NTM: variants seen among roughly 807,000 people sequenced by gnomAD.
The protein encoded by NTM is neurotrimin, also known as IgLON family member 2.
NTM carries 13 observed loss-of-function variants against 42.1 expected under a neutral mutation model. The ratio of observed to expected loss-of-function variants is 0.31; its 90% CI spans 0.20 to 0.49. The LOEUF (loss-of-function observed/expected upper bound fraction) is 0.49, where lower values mean the gene tolerates loss of function less well. Ranked by LOEUF, NTM falls within the 20% of genes least tolerant of loss-of-function variation. NTM has a pLI of 0.99. For missense variants in NTM, 373 were observed against 452.8 expected, an observed-to-expected ratio of 0.82 and a Z score of 1.60; for synonymous variants, 187 against 179.2, an observed-to-expected ratio of 1.04 and a Z score of -0.35.
At chr11:131,481,323 C>T (rs1953558661) in intron 1 of NTM, among the ~76,000 whole-genome samples, 1 of 152,206 alleles carries the variant, frequency 6.6e-6, no homozygotes, top group Non-Finnish European at 1.5e-5. Flanking sequence ...AAGTGTGTGG[C>T]TCCCATCTCC....
At chr11:131,727,917 G>A (rs2079150905) in intron 1 of NTM, among the ~76,000 whole-genome samples, 1 of 152,104 alleles carries the variant, frequency 6.6e-6, no homozygotes, top group Admixed American at 6.5e-5. Context: ...TATAATTTTT[G>A]TAGGTGTTTA....
chr11:132,328,754 G>A (rs572059985), intron 7 of NTM, among the ~76,000 whole-genome samples: 9 of 151,694 alleles, frequency 5.9e-5, no homozygotes, highest in Non-Finnish European at 1.3e-4. Context: ...TTTTTTCTTG[G>A]CACAGAGAGG....
chr11:132,292,021 G>A (rs1249142125), intron 4 of NTM, among the ~76,000 whole-genome samples: 1 of 152,160 alleles, frequency 6.6e-6, no homozygotes, highest in African/African-American at 2.4e-5. Flanking sequence ...GAAAACAGTG[G>A]TGTTAAGGCA....
chr11:132,082,665 T>C (rs988138150), intron 2 of NTM, among the ~76,000 whole-genome samples: 1 of 152,144 alleles, frequency 6.6e-6, no homozygotes, highest in African/African-American at 2.4e-5. Flanking sequence ...AAGAAGTACA[T>C]ATAACTGCTG....
chr11:131,707,545 T>G (rs1565451520), intron 1 of NTM, among the ~76,000 whole-genome samples: 1 of 152,134 alleles, frequency 6.6e-6, no homozygotes. Flanking sequence ...TGTAATTTTA[T>G]TTTTAGTTTT....
At chr11:131,415,001 G>A (rs758055560) in intron 1 of NTM, among the ~76,000 whole-genome samples, 1 of 152,168 alleles carries the variant, frequency 6.6e-6, no homozygotes, top group Non-Finnish European at 1.5e-5. Context: ...GTGAACAATT[G>A]TGATGACGCT....
In NTM at chr11:131,476,062, G is replaced by T. The variant is rs1952903293; in HGVS notation, c.82+105174G>T. On this transcript the variant is annotated intron_variant, in intron 1 of 8. Transcript: ENST00000683400. ...AAAAAAGGAAGAAAGGAAGGAGGCA[G>T]GGAGGGAAGAAATGAGGAAAGGAGG... 3.9e-5 allele frequency among the ~76,000 whole-genome samples: 6 copies of T among 152,222 alleles called. 1 individual carries two copies. The highest frequency in any genetic ancestry group is 6.8e-3 in the Middle Eastern group (2 of 294).
intron 8 of NTM, 29 bp downstream of exon 8, chr11:132,330,214 C>T (rs1033331178): frequency 1.3e-6 from 2 of 1,546,814 alleles, no homozygotes; most frequent in Admixed American, 4.0e-5. Flanking sequence ...CAGCTGCTGC[C>T]TTGGTGGGTG....
intron 4 of NTM, among the ~76,000 whole-genome samples, chr11:132,300,559 C>G (rs1411850137): frequency 6.6e-6 from 1 of 152,216 alleles, no homozygotes; most frequent in Admixed American, 6.5e-5. Context: ...ATCAGGCCTA[C>G]AGAAGCTATC....
chr11:131,443,295 A>G (rs1216900667), intron 1 of NTM, among the ~76,000 whole-genome samples: 2 of 152,232 alleles, frequency 1.3e-5, no homozygotes, highest in Non-Finnish European at 2.9e-5. Context: ...CCATATTGTA[A>G]CAGAATAAAG....
intron 1 of NTM, among the ~76,000 whole-genome samples, chr11:131,415,278 G>A (rs1369776149): frequency 6.6e-6 from 1 of 151,894 alleles, no homozygotes; most frequent in Non-Finnish European, 1.5e-5. Context: ...AAGTGAGTTT[G>A]CTCTGGAAGA....
rs148337170 is a variant in NTM, at chr11:132,115,178, C to T, written c.168-31104C>T. Among the ~76,000 whole-genome samples the T allele has an allele frequency of 1.4e-3, 212 of 152,138 alleles. 2 individuals carry two copies. The highest frequency in any genetic ancestry group is 1.7e-3 in the Admixed American group (26 of 15,268). ...GAGAGAATGGGGAGATGCTGGTGAACGGGTACAAAGTTTCAGTTACGTAGG... is the reference window on the plus strand; with the variant it reads ...GAGAGAATGGGGAGATGCTGGTGAATGGGTACAAAGTTTCAGTTACGTAGG... On this transcript the variant is annotated intron_variant, in intron 2 of 8. Transcript: ENST00000683400.
At chr11:131,814,148 T>A (rs2092852258) in intron 1 of NTM, among the ~76,000 whole-genome samples, 1 of 152,202 alleles carries the variant, frequency 6.6e-6, no homozygotes, top group East Asian at 1.9e-4. Context: ...TCAGAAAGAA[T>A]GTGCTCCCAT....
At chr11:132,321,144 T>C (rs892540697) in intron 7 of NTM, among the ~76,000 whole-genome samples, 4 of 152,148 alleles carry the variant, frequency 2.6e-5, no homozygotes, top group Admixed American at 6.5e-5. Flanking sequence ...GGAATGCAGC[T>C]CCTCACCAGC....
At chr11:131,557,075 G>GT (rs2055540061) in intron 1 of NTM, among the ~76,000 whole-genome samples, 1 of 151,866 alleles carries the variant, frequency 6.6e-6, no homozygotes, top group African/African-American at 2.4e-5. Flanking sequence ...TTTTTTAACA[G>GT]TGTGTCATGA....
At chr11:132,134,107 T>G (rs1260849671) in intron 2 of NTM, among the ~76,000 whole-genome samples, 5 of 152,166 alleles carry the variant, frequency 3.3e-5, no homozygotes, top group Non-Finnish European at 7.3e-5. Flanking sequence ...TCTTTTTTTG[T>G]AAACAGGGTC....
At chr11:131,416,968 G>A (rs189658582) in intron 1 of NTM, among the ~76,000 whole-genome samples, 3 of 152,250 alleles carry the variant, frequency 2.0e-5, no homozygotes, top group East Asian at 1.9e-4. Flanking sequence ...ATATTAGCAC[G>A]TAACCTTGGG....
chr11:131,831,665 G>T (rs190716189), intron 1 of NTM, among the ~76,000 whole-genome samples: 2 of 152,212 alleles, frequency 1.3e-5, no homozygotes. Flanking sequence ...GTAGCAAATA[G>T]CTTTCTCTTG....
At chr11:132,215,302 G>T (rs966715774) in intron 4 of NTM, among the ~76,000 whole-genome samples, 23 of 152,322 alleles carry the variant, frequency 1.5e-4, no homozygotes, top group African/African-American at 4.8e-4. Context: ...CAACCCTGAT[G>T]ACTTCATTGC....
Sources: allele counts gnomAD v4.1 joint callset (sites outside exome capture counted in the v4.1 genomes callset), GRCh38; gene constraint gnomAD v4.1.1; transcripts MANE v1.5; gene names NCBI Gene and HGNC (gene_info 2026-07-23, HGNC 2026-07-21).